Variants in PUDP observed in about 807,000 individuals in gnomAD.
PUDP encodes the protein pseudouridine 5'-phosphatase, also known as pseudouridine-5'-phosphatase.
A neutral mutation model predicts 9.4 loss-of-function variants in PUDP; 8 were observed. That is an observed-to-expected ratio of 0.85 (90% CI 0.50 to 1.53). The LOEUF is 1.53. Ranked by LOEUF, PUDP falls within the 40% of genes most tolerant of loss-of-function variation. The pLI, the probability that PUDP is intolerant of heterozygous loss-of-function variation, is 0.00. For missense variants in PUDP, 188 were observed against 189.7 expected (o/e 0.99, Z 0.05); for synonymous variants, 99 against 80.7 (o/e 1.23, Z -1.22).
chrX:7,082,103 G>A (rs1229484560), intron 2 of PUDP, among the ~76,000 whole-genome samples: 1 of 112,034 alleles, frequency 8.9e-6, no homozygotes, highest in Non-Finnish European at 1.9e-5. Flanking sequence ...CCTAGAATTT[G>A]GTGTGCTTCC....
intron 3 of PUDP, among the ~76,000 whole-genome samples, chrX:7,074,166 C>A (rs1051861457): frequency 8.9e-6 from 1 of 112,659 alleles, no homozygotes; most frequent in Non-Finnish European, 1.9e-5. Context: ...CTCAAGCATC[C>A]TCCTGCCTCA....
intron 3 of PUDP, among the ~76,000 whole-genome samples, chrX:6,758,815 G>C (rs777439773): frequency 2.7e-5 from 3 of 111,386 alleles, no homozygotes; most frequent in Admixed American, 9.6e-5. Context: ...CCTCATCAAC[G>C]TGCGGAAGGC....
At chrX:7,047,237 C>T (rs1929994907), downstream of PUDP, among the ~76,000 whole-genome samples, 1 of 111,995 alleles carries the variant, frequency 8.9e-6, no homozygotes, top group Admixed American at 9.4e-5. Context: ...AAAAAGATCT[C>T]GAAACCAACC....
intron 1 of PUDP, among the ~76,000 whole-genome samples, chrX:7,122,033 T>A (rs773023009): frequency 9.0e-6 from 1 of 110,880 alleles, no homozygotes; most frequent in South Asian, 3.8e-4. Context: ...AAAAAACATT[T>A]AAAAATTAGC....
chrX:6,718,075 C>G (rs1924620851), intron 1 of PUDP, among the ~76,000 whole-genome samples: 1 of 109,254 alleles, frequency 9.2e-6, no homozygotes, highest in African/African-American at 3.3e-5. Context: ...ATTTGAGTTT[C>G]TTGTAGATTC....
intron 1 of PUDP, among the ~76,000 whole-genome samples, chrX:7,015,460 G>A (rs1214717757): frequency 1.8e-5 from 2 of 111,892 alleles, no homozygotes; most frequent in East Asian, 5.6e-4. Flanking sequence ...TCCCCTCAAA[G>A]GCCCCTCTAT....
intron 3 of PUDP, among the ~76,000 whole-genome samples, chrX:6,836,648 T>G (rs1025467184): frequency 4.4e-5 from 5 of 112,453 alleles, no homozygotes; most frequent in Non-Finnish European, 7.5e-5. Context: ...GGGAAAGGCT[T>G]TCCAATTTTA....
chrX:7,012,302 T>C (rs1326824086), intron 1 of PUDP, among the ~76,000 whole-genome samples: 1 of 112,374 alleles, frequency 8.9e-6, no homozygotes, highest in Admixed American at 9.4e-5. Flanking sequence ...ACTTAGGTGC[T>C]ACATAAATAT....
chrX:6,764,194 C>T (rs770170546), intron 3 of PUDP, among the ~76,000 whole-genome samples: 1 of 111,450 alleles, frequency 9.0e-6, no homozygotes, highest in South Asian at 3.8e-4. Context: ...GCTAAGTCGA[C>T]AGAGAATCAG....
At chrX:6,877,480 T>C (rs1451363091) in intron 3 of PUDP, among the ~76,000 whole-genome samples, 5 of 111,092 alleles carry the variant, frequency 4.5e-5, no homozygotes, top group African/African-American at 9.8e-5. Flanking sequence ...GACCATAACG[T>C]GAGAAGTTTT....
At chrX:6,785,055 C>T (rs147423610) in intron 3 of PUDP, among the ~76,000 whole-genome samples, 270 of 112,586 alleles carry the variant, frequency 2.4e-3, no homozygotes, top group Non-Finnish European at 3.6e-3. Flanking sequence ...AATCTTTCCA[C>T]GACGTTATCT....
At chrX:6,783,332 T>C (rs1056951813) in intron 3 of PUDP, among the ~76,000 whole-genome samples, 3 of 111,657 alleles carry the variant, frequency 2.7e-5, no homozygotes, top group Non-Finnish European at 5.6e-5. Context: ...GGTGGATGCG[T>C]TCCTCCTCTA....
intron 3 of PUDP, among the ~76,000 whole-genome samples, chrX:6,737,301 G>T (rs1924883679): frequency 8.9e-6 from 1 of 112,506 alleles, no homozygotes; most frequent in South Asian, 3.6e-4. Flanking sequence ...GTGCTGATTT[G>T]CTAAAGCAGC....
At chrX:6,858,334 T>TC (rs1232091206) in intron 3 of PUDP, among the ~76,000 whole-genome samples, 5 of 95,451 alleles carry the variant, frequency 5.2e-5, no homozygotes, top group African/African-American at 1.9e-4. Context: ...TTTTTTTTTT[T>TC]CTTTTTTTTT....
intron 3 of PUDP, among the ~76,000 whole-genome samples, chrX:6,738,815 C>A (rs751844517): frequency 1.8e-5 from 2 of 111,811 alleles, no homozygotes; most frequent in Non-Finnish European, 3.8e-5. Context: ...AATGAGAAAA[C>A]CTGCCTCAAA....
intron 3 of PUDP, among the ~76,000 whole-genome samples, chrX:6,817,217 C>T (rs771914478): frequency 5.4e-4 from 59 of 108,842 alleles, no homozygotes; most frequent in Non-Finnish European, 9.5e-4. Flanking sequence ...GCTGGGAATA[C>T]AGGTTCATGC....
intron 3 of PUDP, among the ~76,000 whole-genome samples, chrX:6,825,595 T>C (rs1926412442): frequency 9.0e-6 from 1 of 111,093 alleles, no homozygotes; most frequent in South Asian, 3.9e-4. Flanking sequence ...CTCCCACCTC[T>C]AAGTCTCCAG....
chrX:6,813,393 G>C, intron 3 of PUDP, among the ~76,000 whole-genome samples: 1 of 111,045 alleles, frequency 9.0e-6, no homozygotes, highest in Non-Finnish European at 1.9e-5. Flanking sequence ...ATGATAAACA[G>C]CTCAGGGCCC....
intron 3 of PUDP, among the ~76,000 whole-genome samples, chrX:6,778,833 G>T (rs1310580307): frequency 2.7e-5 from 3 of 112,292 alleles, no homozygotes; most frequent in African/African-American, 9.7e-5. Flanking sequence ...GTGCCAGCTG[G>T]AGCCTTTATT....
Sources: gnomAD v4.1 joint callset for allele counts (sites outside exome capture counted in the v4.1 genomes callset) on GRCh38, gnomAD v4.1.1 for gene constraint, MANE v1.5 for transcripts, NCBI Gene and HGNC (gene_info 2026-07-23, HGNC 2026-07-21) for gene names.